Variants in LYNX1 observed in about 807,000 individuals in gnomAD.
LYNX1 encodes the protein Ly6/neurotoxin 1, also known as ly-6/neurotoxin-like protein 1.
Under a neutral mutation model 8.3 loss-of-function variants are expected in LYNX1, and 8 were observed. That is an observed-to-expected ratio of 0.97 (90% CI 0.57 to 1.74). The LOEUF (loss-of-function observed/expected upper bound fraction) is 1.74, where lower values mean the gene tolerates loss of function less well. Among genes scored for constraint, LYNX1 ranks in the 40% most tolerant of loss-of-function variants. The probability of loss-of-function intolerance (pLI) is 0.00; values close to 1 mark genes in which losing one functional copy is unlikely to be tolerated. For missense variants in LYNX1, 158 were observed against 159.7 expected (o/e 0.99, Z 0.06); for synonymous variants, 73 against 67.9 (o/e 1.08, Z -0.37).
Position 142,774,156 on chromosome 8 carries a change from C to A in LYNX1, c.*1011G>T. The stretch of plus-strand genomic sequence containing the variant: ...GGGGCTGGGTCTCCGCCCTCCCCAC[C>A]CCACCCTCCCCACTCCCGCCCCCGC... On this transcript the variant is annotated 3_prime_UTR_variant, in exon 4 of 4. Transcript: ENST00000652477. 1 of 983,406 alleles carries A rather than the reference C, an allele frequency of 1.0e-6. No individual in the cohort carries two copies. Among genetic ancestry groups the A allele is most frequent in the Non-Finnish European group, 1.2e-6 (1 of 829,020 alleles). 60.9% of individuals were successfully genotyped at this position (983,406 alleles called of 1,614,324 possible). A position where few individuals can be genotyped will look rare whatever the true frequency, so the allele number is the denominator to read the frequency against.
intron 2 of LYNX1, 81 bp from the exon 3 acceptor site, chr8:142,775,775 C>A (rs1396605882): frequency 1.3e-6 from 2 of 1,534,714 alleles, no homozygotes; most frequent in African/African-American, 1.4e-5. Flanking sequence ...AGGCCCCCAG[C>A]CCGTCACCTT....
rs1329123941 is a variant in LYNX1, at chr8:142,774,349, T to C, written c.*818A>G. The stretch of plus-strand genomic sequence containing the variant: ...GACCAGGACTCGGGGGACCACCTGC[T>C]CTGCCCCTTTCCCTCCCTGCCCAGA... On this transcript the variant is annotated 3_prime_UTR_variant, in exon 4 of 4. Transcript: ENST00000652477. 3.0e-6 allele frequency: 3 copies of C among 985,846 alleles called. No individual in the cohort carries two copies. Among genetic ancestry groups the C allele is most frequent in the Non-Finnish European group, 3.6e-6 (3 of 830,336 alleles). The allele number at this position is 985,846 out of a possible 1,614,324, so 61.1% of individuals were successfully genotyped here.
chr8:142,773,090 C>T lies in LYNX1; in HGVS notation c.*2077G>A, dbSNP rs1815249522. Reference sequence around the variant, plus strand: ...CTCCCAGCCCTGGCTGAGGAAGCCACCCAACCCGACAATGGGCTTGCGCAA... The same window carrying T: ...CTCCCAGCCCTGGCTGAGGAAGCCATCCAACCCGACAATGGGCTTGCGCAA... On this transcript the variant is annotated 3_prime_UTR_variant, in exon 4 of 4. Coordinates refer to ENST00000652477, the MANE Select transcript of LYNX1 (RefSeq NM_177477.4). 1.0e-6 allele frequency: 1 copy of T among 985,420 alleles called. No individual in the cohort carries two copies. Among genetic ancestry groups the T allele is most frequent in the Non-Finnish European group, 1.2e-6 (1 of 829,986 alleles). The allele number at this position is 985,420 out of a possible 1,614,324, so 61.0% of individuals were successfully genotyped here. A position where few individuals can be genotyped will look rare whatever the true frequency, so the allele number is the denominator to read the frequency against.
chr8:142,775,130 G>A lies in LYNX1; in HGVS notation c.*37C>T, dbSNP rs1378209253. Reference sequence around the variant, plus strand: ...GTGCGAGGGTGTAGCAGTGTGTCTCGAGAGCTTTGTTCTTGAGTGGGTCTG... The same window carrying A: ...GTGCGAGGGTGTAGCAGTGTGTCTCAAGAGCTTTGTTCTTGAGTGGGTCTG... On this transcript the variant is annotated 3_prime_UTR_variant, in exon 4 of 4. Coordinates refer to ENST00000652477, the MANE Select transcript of LYNX1 (RefSeq NM_177477.4). 16 of 1,594,020 alleles carry A rather than the reference G, an allele frequency of 1.0e-5. No individual in the cohort carries two copies. Among genetic ancestry groups the A allele is most frequent in the Admixed American group, 3.5e-5 (2 of 57,800 alleles).
rs1412574674 is a variant in LYNX1, at chr8:142,773,872, G to A, written c.*1295C>T. 3.0e-6 allele frequency: 3 copies of A among 985,310 alleles called. No individual in the cohort carries two copies. Among genetic ancestry groups the A allele is most frequent in the Non-Finnish European group, 3.6e-6 (3 of 829,942 alleles). The allele number at this position is 985,310 out of a possible 1,614,324, so 61.0% of individuals were successfully genotyped here. ...AGCACTGGTCAGGTGGGGGCCTCAG[G>A]TGCAGCGTGACCGCTGGCACCAAAA... is the stretch of plus-strand genomic sequence containing the variant. On this transcript the variant is annotated 3_prime_UTR_variant, in exon 4 of 4. Transcript: ENST00000652477.
At position 142,772,419 on chromosome 8, in the gene LYNX1, G is replaced by A. The variant is rs1379385495; in HGVS notation, c.*2748C>T. The A allele has an allele frequency of 1.0e-6, 1 of 985,402 alleles. No individual in the cohort carries two copies. Among genetic ancestry groups the A allele is most frequent in the Admixed American group, 6.1e-5 (1 of 16,266 alleles). The allele number at this position is 985,402 out of a possible 1,614,324, so 61.0% of individuals were successfully genotyped here. A position where few individuals can be genotyped will look rare whatever the true frequency, so the allele number is the denominator to read the frequency against. On this transcript the variant is annotated 3_prime_UTR_variant, in exon 4 of 4. Coordinates refer to ENST00000652477, the MANE Select transcript of LYNX1 (RefSeq NM_177477.4). ...TCTGGTTCCACTTTTCTCCTTTTAAGCTTTCCATTTTGTAAACTCACCTCC... is the reference window on the plus strand; with the variant it reads ...TCTGGTTCCACTTTTCTCCTTTTAAACTTTCCATTTTGTAAACTCACCTCC...
rs962793496 is a variant in LYNX1 at position 142,772,600 on chromosome 8, T to C, written c.*2567A>G. 4.1e-6 allele frequency: 4 copies of C among 985,438 alleles called. No homozygotes were observed. Among genetic ancestry groups the C allele is most frequent in the Non-Finnish European group, 3.6e-6 (3 of 830,008 alleles). 61.0% of individuals were successfully genotyped at this position (985,438 alleles called of 1,614,324 possible). On this transcript the variant is annotated 3_prime_UTR_variant, in exon 4 of 4. Transcript: ENST00000652477. ...GTCCTCCTCTGTCAAAGGGGCAAGA[T>C]AATGGCTCCCATTGCCGGGCTGCTA...
rs749571635 is a variant in LYNX1 at position 142,775,253 on chromosome 8, C to T, written c.265G>A (p.Asp89Asn). 106 of 1,613,772 alleles carry T rather than the reference C, an allele frequency of 6.6e-5. No individual in the cohort carries two copies. Among genetic ancestry groups the T allele is most frequent in the Non-Finnish European group, 8.2e-5 (97 of 1,179,976 alleles). ...HASTTSCCQY[D>N]LCNGTGLATP... Reference sequence around the variant, plus strand: ...GCAAGGCCGGTGCCGTTGCAGAGGTCGTACTGGCAGCAGGAGGTGGTGGAC... The same window carrying T: ...GCAAGGCCGGTGCCGTTGCAGAGGTTGTACTGGCAGCAGGAGGTGGTGGAC... The change falls in exon 4 of 4, where the codon GAC becomes AAC. Residue 89 changes from aspartate to asparagine, a missense_variant. Coordinates refer to ENST00000652477, the MANE Select transcript of LYNX1 (RefSeq NM_177477.4).
chr8:142,776,694 G>C (rs1344441157), intron 1 of LYNX1: 1 of 152,528 alleles, frequency 6.6e-6, no homozygotes, highest in Non-Finnish European at 1.5e-5. Flanking sequence ...GGGATGAGCT[G>C]TGCCCAGCTT....
intron 1 of LYNX1, 25 bp from the exon 2 acceptor site, chr8:142,776,146 G>A: frequency 5.9e-6 from 4 of 677,904 alleles, no homozygotes; most frequent in South Asian, 1.7e-5. Context: ...GCAAAGACAG[G>A]TGGTCAGTAC....
At position 142,775,199 on chromosome 8, in the gene LYNX1, TG is replaced by T. The variant is rs758194571; in HGVS notation, c.318del (p.Ile107SerfsTer90). On this transcript the variant is annotated frameshift_variant, in exon 4 of 4. Transcript: ENST00000652477. LOFTEE classifies it high-confidence loss of function. ...AGACCCCAGAGGGTGGCCAGGAGGA[TG>T]GGGGCCAGGGCCAGGGTGGCCGGGG... ...LATPATLALA[P>X]ILLATLWGLL 6.8e-6 allele frequency: 11 copies of T among 1,612,528 alleles called. No individual in the cohort carries two copies. The South Asian group carries it at 1.1e-4, about 16-fold the overall frequency.
At chr8:142,776,224 G>A (rs1815419773) in intron 1 of LYNX1, 103 bp from the exon 2 acceptor site, 2 of 525,556 alleles carry the variant, frequency 3.8e-6, no homozygotes, top group African/African-American at 1.9e-5. Flanking sequence ...CTAACTCAGT[G>A]GGTGTCAGGG....
Position 142,773,154 on chromosome 8 carries a change from A to C in LYNX1, c.*2013T>G, listed in dbSNP as rs1174177381. On this transcript the variant is annotated 3_prime_UTR_variant, in exon 4 of 4. Transcript: ENST00000652477. ...TGCTCCCAGCCTCTCCCAAGGACTT[A>C]GGAGCCCAAAGCCGCCTCCCTCCCG... 3.6e-5 allele frequency: 35 copies of C among 985,514 alleles called. No homozygotes were observed. The highest frequency in any genetic ancestry group is 4.2e-5 in the Non-Finnish European group (35 of 830,094). The allele number at this position is 985,514 out of a possible 1,614,324, so 61.0% of individuals were successfully genotyped here. A position where few individuals can be genotyped will look rare whatever the true frequency, so the allele number is the denominator to read the frequency against.
In LYNX1 at chr8:142,773,212, G is replaced by C; in HGVS notation, c.*1955C>G. 2.0e-6 allele frequency: 2 copies of C among 985,558 alleles called. No homozygotes were observed. Among genetic ancestry groups the C allele is most frequent in the Non-Finnish European group, 2.4e-6 (2 of 829,990 alleles). The allele number at this position is 985,558 out of a possible 1,614,324, so 61.1% of individuals were successfully genotyped here. A position where few individuals can be genotyped will look rare whatever the true frequency, so the allele number is the denominator to read the frequency against. On this transcript the variant is annotated 3_prime_UTR_variant, in exon 4 of 4. Coordinates refer to ENST00000652477, the MANE Select transcript of LYNX1 (RefSeq NM_177477.4). Reference sequence around the variant, plus strand: ...TCCCAAGGCATCGCTGGCTGCAGCTGAGAGGGCCTCATTTGGGCACTGCCC... The same window carrying C: ...TCCCAAGGCATCGCTGGCTGCAGCTCAGAGGGCCTCATTTGGGCACTGCCC...
Position 142,773,068 on chromosome 8 carries a change from C to T in LYNX1, c.*2099G>A, listed in dbSNP as rs1815248448. 1 of 985,424 alleles carries T rather than the reference C, an allele frequency of 1.0e-6. No individual in the cohort carries two copies. Among genetic ancestry groups the T allele is most frequent in the Admixed American group, 6.1e-5 (1 of 16,276 alleles). 61.0% of individuals were successfully genotyped at this position (985,424 alleles called of 1,614,324 possible). On this transcript the variant is annotated 3_prime_UTR_variant, in exon 4 of 4. Transcript: ENST00000652477. ...GGAGGACCTGATCCTGGAGTCCCTC[C>T]CAGCCCTGGCTGAGGAAGCCACCCA...
chr8:142,774,935 C>A lies in LYNX1; in HGVS notation c.*232G>T. On this transcript the variant is annotated 3_prime_UTR_variant, in exon 4 of 4. Coordinates refer to ENST00000652477, the MANE Select transcript of LYNX1 (RefSeq NM_177477.4). ...TGGACAGGCGAGGGGCTGATCAGCC[C>A]ATCAAAGCCGGACACTTTTGGGATC... The A allele has an allele frequency of 7.0e-7, 1 of 1,420,912 alleles. No homozygotes were observed. The highest frequency in any genetic ancestry group is 9.2e-7 in the Non-Finnish European group (1 of 1,091,278). 88.0% of individuals were successfully genotyped at this position (1,420,912 alleles called of 1,614,324 possible). A position where few individuals can be genotyped will look rare whatever the true frequency, so the allele number is the denominator to read the frequency against.
chr8:142,772,113 T>C lies in LYNX1; in HGVS notation c.*3054A>G. The C allele has an allele frequency of 1.0e-6, 1 of 986,324 alleles. No homozygotes were observed. The highest frequency in any genetic ancestry group is 1.2e-6 in the Non-Finnish European group (1 of 830,242). The allele number at this position is 986,324 out of a possible 1,614,324, so 61.1% of individuals were successfully genotyped here. A position where few individuals can be genotyped will look rare whatever the true frequency, so the allele number is the denominator to read the frequency against. ...GCCCAAGCAGCCACTCCTGTCCAGT[T>C]CCCAGAATGTATAACATCCTAGGGT... is the stretch of plus-strand genomic sequence containing the variant. On this transcript the variant is annotated 3_prime_UTR_variant, in exon 4 of 4. Coordinates refer to ENST00000652477, the MANE Select transcript of LYNX1 (RefSeq NM_177477.4).
At position 142,771,484 on chromosome 8, in the gene LYNX1, G is replaced by A. The variant is rs1047518894; in HGVS notation, c.*3683C>T. The A allele has an allele frequency of 1.8e-5, 18 of 985,266 alleles. No individual in the cohort carries two copies. The highest frequency in any genetic ancestry group is 2.0e-5 in the Non-Finnish European group (17 of 829,942). 61.0% of individuals were successfully genotyped at this position (985,266 alleles called of 1,614,324 possible). On this transcript the variant is annotated 3_prime_UTR_variant, in exon 4 of 4. Transcript: ENST00000652477. ...AGGGCTGTCCACAGGGAGGACCCCCGTGTGTCTCTCGGGCTGCCCAGGTGG... is the reference window on the plus strand; with the variant it reads ...AGGGCTGTCCACAGGGAGGACCCCCATGTGTCTCTCGGGCTGCCCAGGTGG...
chr8:142,775,601 G>A lies in LYNX1; in HGVS notation c.146C>T (p.Thr49Met), dbSNP rs765722728. The A allele has an allele frequency of 2.8e-5, 44 of 1,592,752 alleles. No individual in the cohort carries two copies. The highest frequency in any genetic ancestry group is 2.9e-5 in the Non-Finnish European group (34 of 1,169,930). ...CPAMVAYCMT[T>M]RTYYTPTRMK... ...AGGGCCCCCAGACTCACAGGTGCGCGTGGTCATGCAGTAGGCAACCATAGC... is the reference window on the plus strand; with the variant it reads ...AGGGCCCCCAGACTCACAGGTGCGCATGGTCATGCAGTAGGCAACCATAGC... Residue 49 changes from threonine (T) to methionine (M), a missense_variant, in exon 3 of 4, where the codon ACG (threonine) becomes ATG (methionine). Transcript: ENST00000652477.
Sources: allele counts gnomAD v4.1 joint callset, GRCh38; gene constraint gnomAD v4.1.1; transcripts MANE v1.5; gene names NCBI Gene and HGNC (gene_info 2026-07-23, HGNC 2026-07-21).